GPR31: variants seen among roughly 807,000 people sequenced by gnomAD.
GPR31 encodes G protein-coupled receptor 31.
For missense variants in GPR31, 394 were observed against 400.5 expected (o/e 0.98, Z 0.14); for synonymous variants, 209 against 183.8 (o/e 1.14, Z -1.11).
rs35182330 is a variant in GPR31 at position 167,157,040 on chromosome 6, C to T, written c.792G>A (p.Ser264=). The change falls in exon 1 of 1, where the codon TCG becomes TCA. Residue 264 remains serine (S), a synonymous_variant. Coordinates refer to ENST00000366834, the MANE Select transcript of GPR31 (RefSeq NM_005299.3). ...GGTAGGTGAGGCTGCCCGTGACATC[C>T]GAGGTATGAGCCACTGCACAAAGGG... ...CRALCAVAHT[S]DVTGSLTYLH... 32,620 of 1,614,080 alleles carry T rather than the reference C, an allele frequency of 0.02. 397 individuals carry two copies. The highest frequency in any genetic ancestry group is 0.024 in the South Asian group (2,187 of 91,078).
At position 167,156,078 on chromosome 6, in the gene GPR31, T is replaced by C. The variant is rs960257339; in HGVS notation, c.*794A>G. Among the ~76,000 whole-genome samples the C allele has an allele frequency of 6.6e-6, 1 of 152,216 alleles. No individual in the cohort carries two copies. The highest frequency in any genetic ancestry group is 2.4e-5 in the African/African-American group (1 of 41,454). ...AAACACCACGTGATAGCTTACATTG[T>C]GCACTTCTCGCAGGAGGCATAAAGT... On this transcript the variant is annotated 3_prime_UTR_variant, in exon 1 of 1. Coordinates refer to ENST00000366834, the MANE Select transcript of GPR31 (RefSeq NM_005299.3). This position sits in a 1 kb window ranked among gnomAD's most constrained non-coding sequence, Gnocchi z 4.5.
In GPR31 at chr6:167,157,788, G is replaced by A. The variant is rs775951026; in HGVS notation, c.44C>T (p.Thr15Ile). 12 of 1,612,548 alleles carry A rather than the reference G, an allele frequency of 7.4e-6. No homozygotes were observed. Among genetic ancestry groups the A allele is most frequent in the East Asian group, 2.2e-5 (1 of 44,840 alleles). Residue 15 changes from threonine to isoleucine, a missense_variant, in exon 1 of 1, where the codon ACA (threonine) becomes ATA (isoleucine). Thr to Ile is a moderately conservative substitution (Grantham distance 89). Coordinates refer to ENST00000366834, the MANE Select transcript of GPR31 (RefSeq NM_005299.3). ...CAGCCCCAGCAAGACACCCACAGCT[G>A]TGGCCACCACAGTGCTGGGGGCTGA... ...NCSAPSTVVA[T>I]AVGVLLGLEC...
In GPR31 at chr6:167,156,780, T is replaced by C; in HGVS notation, c.*92A>G. On this transcript the variant is annotated 3_prime_UTR_variant, in exon 1 of 1. Transcript: ENST00000366834. The surrounding 1 kb of genome is among the most constrained non-coding windows in gnomAD (Gnocchi z 4.5). ...GATCCTTGTATTGCAGTCTTAAGAC[T>C]TCTTCTTCTTCCAGAATCCCAAAGT... is the stretch of plus-strand genomic sequence containing the variant. The C allele has an allele frequency of 7.4e-7, 1 of 1,357,654 alleles. No individual in the cohort carries two copies. Among genetic ancestry groups the C allele is most frequent in the Non-Finnish European group, 1.0e-6 (1 of 989,044 alleles). The allele number at this position is 1,357,654 out of a possible 1,614,324, so 84.1% of individuals were successfully genotyped here.
chr6:167,156,785 C>T lies in GPR31; in HGVS notation c.*87G>A. On this transcript the variant is annotated 3_prime_UTR_variant, in exon 1 of 1. Transcript: ENST00000366834. This position sits in a 1 kb window ranked among gnomAD's most constrained non-coding sequence, Gnocchi z 4.5. ...TTGTATTGCAGTCTTAAGACTTCTT[C>T]TTCTTCCAGAATCCCAAAGTAGGAG... 7.2e-7 allele frequency: 1 copy of T among 1,395,004 alleles called. No homozygotes were observed. Among genetic ancestry groups the T allele is most frequent in the Non-Finnish European group, 9.8e-7 (1 of 1,022,914 alleles). The allele number at this position is 1,395,004 out of a possible 1,614,324, so 86.4% of individuals were successfully genotyped here.
In GPR31 at chr6:167,157,513, C is replaced by T. The variant is rs1247441482; in HGVS notation, c.319G>A (p.Ala107Thr). 4.3e-6 allele frequency: 7 copies of T among 1,613,146 alleles called. No homozygotes were observed. The highest frequency in any genetic ancestry group is 3.3e-5 in the South Asian group (3 of 90,974). The change falls in exon 1 of 1, where the codon GCC (alanine) becomes ACC (threonine). Residue 107 changes from alanine to threonine, a missense_variant. By Grantham distance (58) the Ala-to-Thr change is moderately conservative (BLOSUM62 0). Transcript: ENST00000366834. ...CGGAGGTACCGGTCCAAAGCCACGG[C>T]GGCCAGGAAGGCCATCCCCACGCTG... The part of the protein sequence containing the change: ...SRSVGMAFLA[A>T]VALDRYLRVV...
Position 167,157,531 on chromosome 6 carries a change from C to A in GPR31, c.301G>T (p.Gly101Trp). 6.2e-7 allele frequency: 1 copy of A among 1,610,614 alleles called. No homozygotes were observed. The highest frequency in any genetic ancestry group is 8.5e-7 in the Non-Finnish European group (1 of 1,177,636). Reference sequence around the variant, plus strand: ...GCCACGGCGGCCAGGAAGGCCATCCCCACGCTGCGGCTGAGGTCCAGCAGG... The same window carrying A: ...GCCACGGCGGCCAGGAAGGCCATCCACACGCTGCGGCTGAGGTCCAGCAGG... ...HFLLDLSRSV[G>W]MAFLAAVALD... is the part of the protein sequence containing the mutation. The change falls in exon 1 of 1, where the codon GGG becomes TGG. Residue 101 changes from glycine (G) to tryptophan (W), a missense_variant. Coordinates refer to ENST00000366834, the MANE Select transcript of GPR31 (RefSeq NM_005299.3).
Position 167,155,789 on chromosome 6 carries a change from T to C in GPR31, c.*1083A>G. 6.6e-6 allele frequency among the ~76,000 whole-genome samples: 1 copy of C among 152,224 alleles called. No homozygotes were observed. Among genetic ancestry groups the C allele is most frequent in the East Asian group, 1.9e-4 (1 of 5,200 alleles). On this transcript the variant is annotated 3_prime_UTR_variant, in exon 1 of 1. Transcript: ENST00000366834. ...CATGGTGGTGACTGCTTTTTGGCCC[T>C]AAGCAAACTTTTAGGTTTGAGCAGA...
At position 167,156,725 on chromosome 6, in the gene GPR31, C is replaced by T. The variant is rs1282418875; in HGVS notation, c.*147G>A. On this transcript the variant is annotated 3_prime_UTR_variant, in exon 1 of 1. Coordinates refer to ENST00000366834, the MANE Select transcript of GPR31 (RefSeq NM_005299.3). The surrounding 1 kb of genome is among the most constrained non-coding windows in gnomAD (Gnocchi z 4.5). ...TGGTCAACAAAGTATAAGACCACACCTGCAGCAACTGTGCCCATGTTTATG... is the reference window on the plus strand; with the variant it reads ...TGGTCAACAAAGTATAAGACCACACTTGCAGCAACTGTGCCCATGTTTATG... 32 of 884,678 alleles carry T rather than the reference C, an allele frequency of 3.6e-5. No individual in the cohort carries two copies. Among genetic ancestry groups the T allele is most frequent in the Non-Finnish European group, 5.4e-5 (31 of 573,570 alleles). 54.8% of individuals were successfully genotyped at this position (884,678 alleles called of 1,614,324 possible). A position where few individuals can be genotyped will look rare whatever the true frequency, so the allele number is the denominator to read the frequency against.
At position 167,157,942 on chromosome 6, in the gene GPR31, A is replaced by T. The variant is rs928344; in HGVS notation, c.-111T>A. On this transcript the variant is annotated 5_prime_UTR_variant, in exon 1 of 1. Transcript: ENST00000366834. ...CTTTTCCTGCCACAGAGTAGACAAGATCTACATTTGCCCAACAAGAACAGT... is the reference window on the plus strand; with the variant it reads ...CTTTTCCTGCCACAGAGTAGACAAGTTCTACATTTGCCCAACAAGAACAGT... The T allele has an allele frequency of 0.35, 440,925 of 1,277,098 alleles. 78,572 individuals carry two copies. The highest frequency in any genetic ancestry group is 0.38 in the East Asian group (14,813 of 39,272). 79.1% of individuals were successfully genotyped at this position (1,277,098 alleles called of 1,614,324 possible). A position where few individuals can be genotyped will look rare whatever the true frequency, so the allele number is the denominator to read the frequency against.
In GPR31 at chr6:167,157,514, G is replaced by A. The variant is rs371226860; in HGVS notation, c.318C>T (p.Ala106=). 68 of 1,612,994 alleles carry A rather than the reference G, an allele frequency of 4.2e-5. No homozygotes were observed. The highest frequency in any genetic ancestry group is 2.3e-4 in the South Asian group (21 of 90,970). The change falls in exon 1 of 1, where the codon GCC becomes GCT. Residue 106 remains alanine, a synonymous_variant. Transcript: ENST00000366834. The part of the protein sequence containing the change: ...LSRSVGMAFL[A]AVALDRYLRV... ...GGAGGTACCGGTCCAAAGCCACGGC[G>A]GCCAGGAAGGCCATCCCCACGCTGC... is the stretch of plus-strand genomic sequence containing the variant.
At position 167,156,915 on chromosome 6, in the gene GPR31, G is replaced by A. The variant is rs1782068927; in HGVS notation, c.917C>T (p.Ala306Val). ...GGGGTTGAAATCTGGGGGCTCTGCT[G>A]CCTGCCCTTTGCCTCGGAGGGTGTG... ...VFHTLRGKGQ[A>V]AEPPDFNPRD... The change falls in exon 1 of 1, where the codon GCA (alanine) becomes GTA (valine). Residue 306 changes from alanine (A) to valine (V), a missense_variant. Coordinates refer to ENST00000366834, the MANE Select transcript of GPR31 (RefSeq NM_005299.3). The surrounding 1 kb of genome is among the most constrained non-coding windows in gnomAD (Gnocchi z 4.5). 1 of 1,612,196 alleles carries A rather than the reference G, an allele frequency of 6.2e-7. No homozygotes were observed. Among genetic ancestry groups the A allele is most frequent in the South Asian group, 1.1e-5 (1 of 90,892 alleles).
Position 167,157,451 on chromosome 6 carries a change from A to G in GPR31, c.381T>C (p.Ser127=). ...VHPRLKVNLL[S]PQAALGVSGL... is the part of the protein sequence containing the mutation. ...CCGAGACCCCCAGGGCCGCCTGAGG[A>G]GACAGCAGGTTGACCTTAAGCCGAG... Residue 127 remains serine (S), a synonymous_variant, in exon 1 of 1, where the codon TCT becomes TCC. Coordinates refer to ENST00000366834, the MANE Select transcript of GPR31 (RefSeq NM_005299.3). 1 of 1,613,616 alleles carries G rather than the reference A, an allele frequency of 6.2e-7. No homozygotes were observed. Among genetic ancestry groups the G allele is most frequent in the South Asian group, 1.1e-5 (1 of 91,054 alleles).
rs368300564 is a variant in GPR31, at chr6:167,157,707, C to T, written c.125G>A (p.Arg42Gln). 20 of 1,613,630 alleles carry T rather than the reference C, an allele frequency of 1.2e-5. No homozygotes were observed. Among genetic ancestry groups the T allele is most frequent in the East Asian group, 4.5e-5 (2 of 44,892 alleles). The change falls in exon 1 of 1, where the codon CGG (arginine) becomes CAG (glutamine). Residue 42 changes from arginine to glutamine, a missense_variant. Transcript: ENST00000366834. ...AGCGTACGGCTTCCACACCCTGACC[C>T]GGAACAGGAAGGTCCACAGCGCCAC... is the stretch of plus-strand genomic sequence containing the variant. Reference protein sequence around the residue: ...NAVALWTFLFRVRVWKPYAVY... With the variant: ...NAVALWTFLFQVRVWKPYAVY...
chr6:167,157,109 G>A lies in GPR31; in HGVS notation c.723C>T (p.Ala241=), dbSNP rs1488088548. 1 of 1,614,188 alleles carries A rather than the reference G, an allele frequency of 6.2e-7. No individual in the cohort carries two copies. Among genetic ancestry groups the A allele is most frequent in the Admixed American group, 1.7e-5 (1 of 60,028 alleles). The change falls in exon 1 of 1, where the codon GCC becomes GCT. Residue 241 remains alanine, a synonymous_variant. Coordinates refer to ENST00000366834, the MANE Select transcript of GPR31 (RefSeq NM_005299.3). ...TCTGGAAGATGTGCATCAGGACTCT[G>A]GCCAGGAAGCAGGGCAGAAAGCACA... ...FALCFLPCFL[A]RVLMHIFQNL...
In GPR31 at chr6:167,157,708, G is replaced by A. The variant is rs764034554; in HGVS notation, c.124C>T (p.Arg42Trp). 71 of 1,613,610 alleles carry A rather than the reference G, an allele frequency of 4.4e-5. No individual in the cohort carries two copies. The highest frequency in any genetic ancestry group is 6.7e-5 in the African/African-American group (5 of 74,934). ...GCGTACGGCTTCCACACCCTGACCC[G>A]GAACAGGAAGGTCCACAGCGCCACC... ...NAVALWTFLF[R>W]VRVWKPYAVY... Residue 42 changes from arginine to tryptophan, a missense_variant, in exon 1 of 1, where the codon CGG becomes TGG. By Grantham distance (101) the Arg-to-Trp change is moderately radical (BLOSUM62 -3). Transcript: ENST00000366834.
rs1228303436 is a variant in GPR31, at chr6:167,155,919, G to A, written c.*953C>T. ...TTACAAGGAATGAGATGAAAAGATGGCAGCTGTTGTAACGGCATCCAGAGG... is the reference window on the plus strand; with the variant it reads ...TTACAAGGAATGAGATGAAAAGATGACAGCTGTTGTAACGGCATCCAGAGG... On this transcript the variant is annotated 3_prime_UTR_variant, in exon 1 of 1. Coordinates refer to ENST00000366834, the MANE Select transcript of GPR31 (RefSeq NM_005299.3). 6.6e-6 allele frequency among the ~76,000 whole-genome samples: 1 copy of A among 152,234 alleles called. No homozygotes were observed. Among genetic ancestry groups the A allele is most frequent in the Admixed American group, 6.5e-5 (1 of 15,286 alleles).
chr6:167,157,482 A>G lies in GPR31; in HGVS notation c.350T>C (p.Val117Ala), dbSNP rs767746978. 2 of 1,613,550 alleles carry G rather than the reference A, an allele frequency of 1.2e-6. No individual in the cohort carries two copies. Among genetic ancestry groups the G allele is most frequent in the South Asian group, 1.1e-5 (1 of 91,026 alleles). The part of the protein sequence containing the change: ...AVALDRYLRV[V>A]HPRLKVNLLS... Reference sequence around the variant, plus strand: ...CAGGTTGACCTTAAGCCGAGGGTGGACCACACGGAGGTACCGGTCCAAAGC... The same window carrying G: ...CAGGTTGACCTTAAGCCGAGGGTGGGCCACACGGAGGTACCGGTCCAAAGC... Residue 117 changes from valine (V) to alanine (A), a missense_variant, in exon 1 of 1, where the codon GTC becomes GCC. Physicochemically the swap from Val to Ala is moderately conservative, Grantham distance 64 (BLOSUM62 0). Transcript: ENST00000366834.
chr6:167,157,712 C>T lies in GPR31; in HGVS notation c.120G>A (p.Leu40=), dbSNP rs1335402358. 1 of 1,613,714 alleles carries T rather than the reference C, an allele frequency of 6.2e-7. No homozygotes were observed. Among genetic ancestry groups the T allele is most frequent in the South Asian group, 1.1e-5 (1 of 91,078 alleles). ...LGNAVALWTF[L]FRVRVWKPYA... ...ACGGCTTCCACACCCTGACCCGGAACAGGAAGGTCCACAGCGCCACCGCGT... is the reference window on the plus strand; with the variant it reads ...ACGGCTTCCACACCCTGACCCGGAATAGGAAGGTCCACAGCGCCACCGCGT... Residue 40 remains leucine (L), a synonymous_variant, in exon 1 of 1, where the codon CTG becomes CTA. Coordinates refer to ENST00000366834, the MANE Select transcript of GPR31 (RefSeq NM_005299.3).
In GPR31 at chr6:167,157,432, C is replaced by G; in HGVS notation, c.400G>C (p.Val134Leu). Residue 134 changes from valine to leucine, a missense_variant, in exon 1 of 1, where the codon GTC (valine) becomes CTC (leucine). By Grantham distance (32) the Val-to-Leu change is conservative (BLOSUM62 1). Coordinates refer to ENST00000366834, the MANE Select transcript of GPR31 (RefSeq NM_005299.3). ...NLLSPQAALG[V>L]SGLVWLLMVA... ...ATCAGGAGCCAGACGAGGCCCGAGA[C>G]CCCCAGGGCCGCCTGAGGAGACAGC... The G allele has an allele frequency of 6.2e-7, 1 of 1,613,316 alleles. No homozygotes were observed. The highest frequency in any genetic ancestry group is 1.3e-5 in the African/African-American group (1 of 75,030).
Sources: allele counts gnomAD v4.1 joint callset (sites outside exome capture counted in the v4.1 genomes callset), GRCh38; gene constraint gnomAD v4.1.1; non-coding constraint Gnocchi (gnomAD v3.1); transcripts MANE v1.5; gene names NCBI Gene and HGNC (gene_info 2026-07-23, HGNC 2026-07-21).